The following ZMIZ2 variants were observed in gnomAD, a reference collection of about 807,000 sequenced individuals.
ZMIZ2 encodes the protein zinc finger MIZ-type containing 2.
A neutral mutation model predicts 93.9 loss-of-function variants in ZMIZ2; 26 were observed. That is an observed-to-expected ratio of 0.28 (90% CI 0.20 to 0.38). ZMIZ2 has a LOEUF of 0.38. Ranked by LOEUF, ZMIZ2 falls within the 10% of genes least tolerant of loss-of-function variation. The pLI is 1.00. For missense variants in ZMIZ2, 1,023 were observed against 1,235.0 expected, an observed-to-expected ratio of 0.83 and a Z score of 2.57; for synonymous variants, 485 against 516.4, an observed-to-expected ratio of 0.94 and a Z score of 0.82.
Position 44,766,470 on chromosome 7 carries a change from G to A in ZMIZ2, c.2462G>A (p.Gly821Glu), listed in dbSNP as rs763663103. Residue 821 changes from glycine to glutamate, a missense_variant, in exon 18 of 19, where the codon GGA becomes GAA. Gly to Glu is a moderately conservative substitution (Grantham distance 98). Transcript: ENST00000309315. This position sits in a 1 kb window ranked among gnomAD's most constrained non-coding sequence, Gnocchi z 4.4. ...LDPTHNPGTP[G>E]LHTSNLGAPP... ...CCCACTCACAATCCTGGGACACCAG[G>A]ACTACACACCTCCAACCTTGGGGCC... The A allele has an allele frequency of 1.2e-6, 2 of 1,614,102 alleles. No homozygotes were observed. The highest frequency in any genetic ancestry group is 1.1e-5 in the South Asian group (1 of 91,080).
In ZMIZ2 at chr7:44,763,425, C is replaced by T. The variant is rs1562743422; in HGVS notation, c.1860+12C>T. 1 of 1,613,264 alleles carries T rather than the reference C, an allele frequency of 6.2e-7. No homozygotes were observed. The highest frequency in any genetic ancestry group is 8.5e-7 in the Non-Finnish European group (1 of 1,179,392). On this transcript the variant is annotated intron_variant, in intron 13 of 18. Transcript: ENST00000309315. The surrounding 1 kb of genome is among the most constrained non-coding windows in gnomAD (Gnocchi z 5.6). ...GTCGCCACATACAGGTAGGTGGTTA[C>T]TGCAGAGTCTTGCCGGAATTTGCTG...
In ZMIZ2 at chr7:44,769,138, T is replaced by C. The variant is rs1441571078; in HGVS notation, c.*1515T>C. ...AGGTGTGTCCTGCCTACCATCTGCCTGTCCAGCTTGGTGGGGGTCCGGGTC... is the reference window on the plus strand; with the variant it reads ...AGGTGTGTCCTGCCTACCATCTGCCCGTCCAGCTTGGTGGGGGTCCGGGTC... On this transcript the variant is annotated 3_prime_UTR_variant, in exon 19 of 19. Transcript: ENST00000309315. The C allele has an allele frequency of 1.3e-5, 2 of 152,722 alleles. No homozygotes were observed. The highest frequency in any genetic ancestry group is 2.9e-5 in the Non-Finnish European group (2 of 68,150). 9.5% of individuals were successfully genotyped at this position (152,722 alleles called of 1,614,324 possible).
Position 44,765,936 on chromosome 7 carries a change from T to C in ZMIZ2, c.2243-228T>C, listed in dbSNP as rs561959612. ...GTGCGTTTGTTTGTGGCTGCTCCCATTCCTATAACCTCCGAGACCTTCACT... is the reference window on the plus strand; with the variant it reads ...GTGCGTTTGTTTGTGGCTGCTCCCACTCCTATAACCTCCGAGACCTTCACT... On this transcript the variant is annotated intron_variant, in intron 16 of 18. Coordinates refer to ENST00000309315, the MANE Select transcript of ZMIZ2 (RefSeq NM_031449.4). The surrounding 1 kb of genome is among the most constrained non-coding windows in gnomAD (Gnocchi z 4.1). The C allele has an allele frequency of 7.3e-7, 1 of 1,368,942 alleles. No individual in the cohort carries two copies. Among genetic ancestry groups the C allele is most frequent in the African/African-American group, 1.5e-5 (1 of 67,354 alleles). 84.8% of individuals were successfully genotyped at this position (1,368,942 alleles called of 1,614,324 possible). A position where few individuals can be genotyped will look rare whatever the true frequency, so the allele number is the denominator to read the frequency against.
Position 44,763,184 on chromosome 7 carries a change from C to T in ZMIZ2, c.1703-72C>T, listed in dbSNP as rs892476728. On this transcript the variant is annotated intron_variant, in intron 12 of 18. Coordinates refer to ENST00000309315, the MANE Select transcript of ZMIZ2 (RefSeq NM_031449.4). This position sits in a 1 kb window ranked among gnomAD's most constrained non-coding sequence, Gnocchi z 5.6. Reference sequence around the variant, plus strand: ...TGGGTCAGTGACTGGGTCCCTGCCTCGTTGGCATCCCCATTCACACCTCCC... The same window carrying T: ...TGGGTCAGTGACTGGGTCCCTGCCTTGTTGGCATCCCCATTCACACCTCCC... The T allele has an allele frequency of 1.3e-5, 21 of 1,573,796 alleles. No individual in the cohort carries two copies. Among genetic ancestry groups the T allele is most frequent in the South Asian group, 2.4e-5 (2 of 85,016 alleles).
At chr7:44,760,360 G>A (rs1791054522) in intron 8 of ZMIZ2, 65 bp from the exon 9 acceptor site, 14 of 1,592,610 alleles carry the variant, frequency 8.8e-6, no homozygotes, top group East Asian at 4.5e-5. Context: ...TGGGTGCGCC[G>A]TGAACAGACT....
rs1198432181 is a variant in ZMIZ2, at chr7:44,756,603, G to T, written c.165+64G>T. The T allele has an allele frequency of 2.6e-6, 4 of 1,542,344 alleles. No homozygotes were observed. The African/African-American group carries it at 5.4e-5, about 21-fold the overall frequency. On this transcript the variant is annotated intron_variant, in intron 3 of 18. Transcript: ENST00000309315. ...GCCTCCCAGCACTTGGCAGTGCTTA[G>T]TGCCTCCTCAGAGCTCTGAGAGACG...
At chr7:44,767,416 A>T in intron 18 of ZMIZ2, 100 bp from the exon 19 acceptor site, 1 of 1,041,664 alleles carries the variant, frequency 9.6e-7, no homozygotes, top group Non-Finnish European at 1.5e-6. Flanking sequence ...CAGCATCCCC[A>T]CTGTGCCTGG....
In ZMIZ2 at chr7:44,766,770, C is replaced by T. The variant is rs946784236; in HGVS notation, c.2655+107C>T. 2.9e-5 allele frequency: 44 copies of T among 1,521,612 alleles called. No homozygotes were observed. The highest frequency in any genetic ancestry group is 2.7e-4 in the Admixed American group (13 of 48,550). 94.3% of individuals were successfully genotyped at this position (1,521,612 alleles called of 1,614,324 possible). On this transcript the variant is annotated intron_variant, in intron 18 of 18. Coordinates refer to ENST00000309315, the MANE Select transcript of ZMIZ2 (RefSeq NM_031449.4). The surrounding 1 kb of genome is among the most constrained non-coding windows in gnomAD (Gnocchi z 4.4). The stretch of plus-strand genomic sequence containing the variant: ...GGAAGACAGTGACCCCTCAGAGAGC[C>T]GGTCAGATAAGGTCAACTAAATGCA...
rs772092024 is a variant in ZMIZ2 at position 44,763,243 on chromosome 7, T to A, written c.1703-13T>A. 1 of 1,613,658 alleles carries A rather than the reference T, an allele frequency of 6.2e-7. No individual in the cohort carries two copies. Among genetic ancestry groups the A allele is most frequent in the East Asian group, 2.2e-5 (1 of 44,862 alleles). Reference sequence around the variant, plus strand: ...GGACCCTTTACTCAAGTCCTTTACCTTGTTGATGTCAGTAAAGCGGAACTT... The same window carrying A: ...GGACCCTTTACTCAAGTCCTTTACCATGTTGATGTCAGTAAAGCGGAACTT... On this transcript the variant is annotated splice_polypyrimidine_tract_variant and intron_variant, in intron 12 of 18. Coordinates refer to ENST00000309315, the MANE Select transcript of ZMIZ2 (RefSeq NM_031449.4). This position sits in a 1 kb window ranked among gnomAD's most constrained non-coding sequence, Gnocchi z 5.6.
chr7:44,765,402 A>G lies in ZMIZ2; in HGVS notation c.2065A>G (p.Met689Val), dbSNP rs1200184048. 2 of 1,612,920 alleles carry G rather than the reference A, an allele frequency of 1.2e-6. No homozygotes were observed. Among genetic ancestry groups the G allele is most frequent in the Non-Finnish European group, 1.7e-6 (2 of 1,179,972 alleles). The part of the protein sequence containing the change: ...SWKPVPVKPD[M>V]HIKEEPDGPA... ...GAAGCCAGTGCCCGTGAAGCCTGAC[A>G]TGCACATCAAGGAGGAGCCGGATGG... The change falls in exon 16 of 19, where the codon ATG becomes GTG. Residue 689 changes from methionine (M) to valine (V), a missense_variant. Transcript: ENST00000309315. This position sits in a 1 kb window ranked among gnomAD's most constrained non-coding sequence, Gnocchi z 4.1.
chr7:44,759,126 A>ATT (rs1790908765), intron 6 of ZMIZ2, among the ~76,000 whole-genome samples, 155 bp from the exon 7 acceptor site: 1 of 151,296 alleles, frequency 6.6e-6, no homozygotes, highest in African/African-American at 2.4e-5. Flanking sequence ...TGCATGTGAG[A>ATT]ACTGCCTGTG....
At chr7:44,759,098 A>AC (rs199861415) in intron 6 of ZMIZ2, among the ~76,000 whole-genome samples, 183 bp from the exon 7 acceptor site, 12,732 of 149,372 alleles carry the variant, frequency 0.085, 752 homozygotes, top group Admixed American at 0.14. Flanking sequence ...AAAAAAAAAA[A>AC]AAAAAAAAAC....
chr7:44,767,977 C>T lies in ZMIZ2; in HGVS notation c.*354C>T. Reference sequence around the variant, plus strand: ...CTTGTCCTTCCACCCCTGCCTGCCCCCACCCAGCCTGCTTCTTGTCCAGCA... The same window carrying T: ...CTTGTCCTTCCACCCCTGCCTGCCCTCACCCAGCCTGCTTCTTGTCCAGCA... On this transcript the variant is annotated 3_prime_UTR_variant, in exon 19 of 19. Transcript: ENST00000309315. 2.8e-6 allele frequency: 1 copy of T among 361,070 alleles called. No homozygotes were observed. The highest frequency in any genetic ancestry group is 5.3e-6 in the Non-Finnish European group (1 of 189,486). 22.4% of individuals were successfully genotyped at this position (361,070 alleles called of 1,614,324 possible).
chr7:44,752,294 G>T (rs886087577), intron 1 of ZMIZ2, among the ~76,000 whole-genome samples: 1 of 151,974 alleles, frequency 6.6e-6, no homozygotes. Context: ...CGCCCGGTTA[G>T]TTTTTGCCCA....
Position 44,757,995 on chromosome 7 carries a change from G to A in ZMIZ2, c.700G>A (p.Ala234Thr), listed in dbSNP as rs1285134199. The change falls in exon 6 of 19, where the codon GCA becomes ACA. Residue 234 changes from alanine to threonine, a missense_variant. By Grantham distance (58) the Ala-to-Thr change is moderately conservative. Coordinates refer to ENST00000309315, the MANE Select transcript of ZMIZ2 (RefSeq NM_031449.4). ...CCCCTTGGCTATGAACCCCACCCGGGCAGCAGGAATGACACCCTTGTATGC... is the reference window on the plus strand; with the variant it reads ...CCCCTTGGCTATGAACCCCACCCGGACAGCAGGAATGACACCCTTGTATGC... ...LSPLAMNPTR[A>T]AGMTPLYAGQ... 2 of 1,612,556 alleles carry A rather than the reference G, an allele frequency of 1.2e-6. No homozygotes were observed. The highest frequency in any genetic ancestry group is 1.7e-6 in the Non-Finnish European group (2 of 1,179,396).
chr7:44,756,747 C>G (rs1205867213), intron 3 of ZMIZ2, 200 bp from the exon 4 acceptor site: 12 of 790,796 alleles, frequency 1.5e-5, no homozygotes, highest in Non-Finnish European at 2.2e-5. Context: ...GGATTTTCTT[C>G]TCCTGTCTTC....
intron 3 of ZMIZ2, 27 bp downstream of exon 3, chr7:44,756,566 C>T (rs769722298): frequency 6.2e-6 from 10 of 1,611,382 alleles, no homozygotes; most frequent in South Asian, 2.2e-5. Flanking sequence ...GCCCCACCCC[C>T]GAGCAGACAG....
chr7:44,767,366 T>C (rs997063409), intron 18 of ZMIZ2, 150 bp from the exon 19 acceptor site: 6 of 699,808 alleles, frequency 8.6e-6, no homozygotes, highest in Non-Finnish European at 1.2e-5. Flanking sequence ...AGGCCTATGG[T>C]GGGGCCCCGC....
chr7:44,762,260 C>T (rs934376427), intron 11 of ZMIZ2, among the ~76,000 whole-genome samples: 10 of 152,250 alleles, frequency 6.6e-5, no homozygotes, highest in Non-Finnish European at 1.2e-4. Context: ...GTAATATACC[C>T]TAGCTGTTTT....
Sources: gnomAD v4.1 joint callset for allele counts (sites outside exome capture counted in the v4.1 genomes callset) on GRCh38, gnomAD v4.1.1 for gene constraint, Gnocchi (gnomAD v3.1) non-coding constraint, MANE v1.5 for transcripts, NCBI Gene and HGNC (gene_info 2026-07-23, HGNC 2026-07-21) for gene names.